SRD5A2: variants seen among roughly 807,000 people sequenced by gnomAD.
SRD5A2 encodes the protein 3-oxo-5-alpha-steroid 4-dehydrogenase 2.
SRD5A2 carries 30 observed loss-of-function variants against 27.4 expected under a neutral mutation model. That is an observed-to-expected ratio of 1.10 (90% confidence interval 0.82 to 1.49). SRD5A2 has a LOEUF of 1.49. Among genes scored for constraint, SRD5A2 ranks in the 40% most tolerant of loss-of-function variants. The pLI is 0.00. For synonymous variants in SRD5A2, 141 were observed against 133.6 expected, an observed-to-expected ratio of 1.06 and a Z score of -0.38; for missense variants, 348 against 323.4, an observed-to-expected ratio of 1.08 and a Z score of -0.58.
intron 1 of SRD5A2, among the ~76,000 whole-genome samples, chr2:31,563,941 C>A (rs1400475113): frequency 1.3e-5 from 2 of 152,066 alleles, no homozygotes; most frequent in Admixed American, 6.6e-5. Context: ...CAAATTGTTT[C>A]CAAGTAACTT....
intron 1 of SRD5A2, among the ~76,000 whole-genome samples, chr2:31,567,702 T>C (rs1252683758): frequency 4.6e-5 from 7 of 152,196 alleles, no homozygotes. Flanking sequence ...CTCCTAGTTT[T>C]TGGCTTGTAC....
At chr2:31,577,162 T>TTAAAA (rs71405579) in intron 1 of SRD5A2, among the ~76,000 whole-genome samples, 2 of 57,174 alleles carry the variant, frequency 3.5e-5, no homozygotes, top group African/African-American at 7.3e-5. Flanking sequence ...AAAAAAACAT[T>TTAAAA]AAAAAAAAAA....
At chr2:31,607,059 AT>A in the SRD5A2 span, among the ~76,000 whole-genome samples, 2 of 152,048 alleles carry the variant, frequency 1.3e-5, no homozygotes, top group Non-Finnish European at 1.5e-5. Context: ...AAAATTATGA[AT>A]TAGACATAAT....
chr2:31,533,540 G>A (rs572458752), intron 2 of SRD5A2, 63 bp downstream of exon 2: 113 of 1,464,950 alleles, frequency 7.7e-5, no homozygotes, highest in African/African-American at 6.3e-4. Flanking sequence ...AGGCCATGGC[G>A]ATGTAGATTG....
the SRD5A2 span, among the ~76,000 whole-genome samples, chr2:31,660,484 A>G: frequency 6.6e-6 from 1 of 152,130 alleles, no homozygotes; most frequent in African/African-American, 2.4e-5. Context: ...AAACCCATAG[A>G]ATGAACACCA....
the SRD5A2 span, among the ~76,000 whole-genome samples, chr2:31,652,533 T>C: frequency 6.6e-6 from 1 of 152,240 alleles, no homozygotes; most frequent in Admixed American, 6.5e-5. Flanking sequence ...GGAGGGATAT[T>C]GTACCCATAA....
chr2:31,580,906 C>A lies in SRD5A2; in HGVS notation c.-6G>T, dbSNP rs1667069060. On this transcript the variant is annotated 5_prime_UTR_variant, in exon 1 of 5. Transcript: ENST00000622030. ...TGCTGGCACTGAACCTGCATCGCGC[C>A]GTGTTCCTCGCCGGTGGCCGCTGCC... The A allele has an allele frequency of 1.3e-6, 2 of 1,591,104 alleles. No individual in the cohort carries two copies. Among genetic ancestry groups the A allele is most frequent in the South Asian group, 1.1e-5 (1 of 90,696 alleles).
intron 1 of SRD5A2, among the ~76,000 whole-genome samples, chr2:31,536,059 T>C (rs1255781561): frequency 6.6e-6 from 1 of 152,194 alleles, no homozygotes; most frequent in Admixed American, 6.5e-5. Context: ...AGAAATTAAA[T>C]AAGATGATGC....
chr2:31,581,135 C>T (rs1667075482), upstream of SRD5A2: 2 of 552,418 alleles, frequency 3.6e-6, no homozygotes, highest in African/African-American at 2.0e-5. Flanking sequence ...TTAGTTCGCC[C>T]GCCCTCTCCA....
chr2:31,526,493 T>C (rs1006401589), intron 4 of SRD5A2, among the ~76,000 whole-genome samples: 7 of 152,216 alleles, frequency 4.6e-5, no homozygotes, highest in Admixed American at 3.3e-4. Context: ...TGGTGATGGC[T>C]GTGCAATATT....
Position 31,526,241 on chromosome 2 carries a change from C to T in SRD5A2, c.720G>A (p.Glu240=). ...HHHRFYLKMF[E]DYPKSRKALI... ...GGGCTTTCCGAGATTTGGGGTAGTCCTCAAACATCTTGAGGTAGAACCTAA... is the reference window on the plus strand; with the variant it reads ...GGGCTTTCCGAGATTTGGGGTAGTCTTCAAACATCTTGAGGTAGAACCTAA... The change falls in exon 5 of 5, where the codon GAG becomes GAA. Residue 240 remains glutamate (E), a synonymous_variant. Coordinates refer to ENST00000622030, the MANE Select transcript of SRD5A2 (RefSeq NM_000348.4). 3 of 1,587,440 alleles carry T rather than the reference C, an allele frequency of 1.9e-6. No homozygotes were observed. The highest frequency in any genetic ancestry group is 2.6e-6 in the Non-Finnish European group (3 of 1,165,098).
Position 31,522,868 on chromosome 2 carries a change from A to C in SRD5A2, c.*3328T>G, listed in dbSNP as rs1447406972. On this transcript the variant is annotated 3_prime_UTR_variant, in exon 5 of 5. Transcript: ENST00000622030. ...CAAGCGGGAAAAGAAATGAATCTTC[A>C]TGAGCCTATTCCTTCATGTGCCAAG... 1 of 223,148 alleles carries C rather than the reference A, an allele frequency of 4.5e-6. No homozygotes were observed. Among genetic ancestry groups the C allele is most frequent in the Non-Finnish European group, 8.9e-6 (1 of 111,830 alleles). 13.8% of individuals were successfully genotyped at this position (223,148 alleles called of 1,614,324 possible). A position where few individuals can be genotyped will look rare whatever the true frequency, so the allele number is the denominator to read the frequency against.
chr2:31,571,876 G>A (rs950874274), intron 1 of SRD5A2, among the ~76,000 whole-genome samples: 2 of 152,140 alleles, frequency 1.3e-5, no homozygotes, highest in Non-Finnish European at 2.9e-5. Context: ...AATAAATGCT[G>A]GCAAGGTTAT....
At chr2:31,578,091 T>C (rs1666996265) in intron 1 of SRD5A2, among the ~76,000 whole-genome samples, 1 of 152,144 alleles carries the variant, frequency 6.6e-6, no homozygotes, top group Non-Finnish European at 1.5e-5. Flanking sequence ...ATATTCAACA[T>C]AACAAGCATG....
At chr2:31,584,547 C>A (rs921574628), upstream of SRD5A2, among the ~76,000 whole-genome samples, 1 of 152,142 alleles carries the variant, frequency 6.6e-6, no homozygotes. Flanking sequence ...TTCAAGGTTA[C>A]GTAAGCTACC....
the SRD5A2 span, among the ~76,000 whole-genome samples, chr2:31,591,067 A>C: frequency 1.3e-5 from 2 of 152,240 alleles, no homozygotes; most frequent in African/African-American, 4.8e-5. Context: ...AATGACAACA[A>C]AAGTCAAAAT....
the SRD5A2 span, among the ~76,000 whole-genome samples, chr2:31,598,168 T>C: frequency 1.1e-4 from 16 of 152,072 alleles, no homozygotes; most frequent in African/African-American, 2.2e-4. Context: ...TGTAGTTGGA[T>C]ACCATTATTT....
chr2:31,534,609 C>T (rs1665986930), intron 1 of SRD5A2, among the ~76,000 whole-genome samples: 1 of 152,216 alleles, frequency 6.6e-6, no homozygotes, highest in South Asian at 2.1e-4. Flanking sequence ...AACACACACA[C>T]ATATGCATGC....
chr2:31,660,773 T>C, the SRD5A2 span, among the ~76,000 whole-genome samples: 14 of 152,090 alleles, frequency 9.2e-5, no homozygotes, highest in Middle Eastern at 3.4e-3. Context: ...GGAAGCTATC[T>C]AAATGTTCAA....
Sources: gnomAD v4.1 joint callset for allele counts (sites outside exome capture counted in the v4.1 genomes callset) on GRCh38, gnomAD v4.1.1 for gene constraint, MANE v1.5 for transcripts, NCBI Gene and HGNC (gene_info 2026-07-23, HGNC 2026-07-21) for gene names.